Variants in MYT1L observed in about 807,000 individuals in gnomAD.
MYT1L encodes myelin transcription factor 1-like protein.
Under a neutral mutation model 126.7 loss-of-function variants are expected in MYT1L, and 12 were observed. The observed-to-expected ratio is 0.09, with a 90% CI of 0.06 to 0.15. The LOEUF (loss-of-function observed/expected upper bound fraction) is 0.15, where lower values mean the gene tolerates loss of function less well. Ranked by LOEUF, MYT1L falls within the 10% of genes least tolerant of loss-of-function variation. The probability of loss-of-function intolerance (pLI) is 1.00; values close to 1 mark genes in which losing one functional copy is unlikely to be tolerated. For missense variants in MYT1L, 979 were observed against 1,585.2 expected (o/e 0.62, Z 6.49); for synonymous variants, 541 against 604.2 (o/e 0.90, Z 1.53).
intron 1 of MYT1L, among the ~76,000 whole-genome samples, chr2:2,298,722 G>A (rs900573652): frequency 1.3e-5 from 2 of 152,192 alleles, no homozygotes; most frequent in African/African-American, 4.8e-5. Context: ...ATGTCAAGAA[G>A]CACAAGACAC....
chr2:2,191,168 C>T (rs2092570455), intron 2 of MYT1L, among the ~76,000 whole-genome samples: 2 of 152,258 alleles, frequency 1.3e-5, no homozygotes, highest in South Asian at 4.1e-4. Flanking sequence ...TTCCAGAAGC[C>T]ACCCCTAGGC....
At chr2:2,310,917 A>G (rs1226750500) in intron 1 of MYT1L, among the ~76,000 whole-genome samples, 1 of 152,256 alleles carries the variant, frequency 6.6e-6, no homozygotes, top group Non-Finnish European at 1.5e-5. Context: ...AGGGCTCACA[A>G]CAACATTCCT....
chr2:2,040,590 C>T (rs2150009715), intron 4 of MYT1L, among the ~76,000 whole-genome samples: 1 of 152,284 alleles, frequency 6.6e-6, no homozygotes, highest in East Asian at 1.9e-4. Context: ...TTGTTATCCA[C>T]ATTTTTAAGT....
At chr2:1,997,456 T>C (rs1386831898) in intron 4 of MYT1L, 109 bp from the exon 5 acceptor site, 1 of 152,512 alleles carries the variant, frequency 6.6e-6, no homozygotes, top group South Asian at 2.1e-4. Context: ...ACACAGCAGC[T>C]TCCTCCAGGA....
Position 1,917,057 on chromosome 2 carries a change from G to A in MYT1L, c.1618+148C>T, listed in dbSNP as rs1285979798. On this transcript the variant is annotated intron_variant, in intron 11 of 24. Transcript: ENST00000647738. The surrounding 1 kb of genome is among the most constrained non-coding windows in gnomAD (Gnocchi z 5.9). ...GCCATTGGCATGCCCACGAATCCTG[G>A]ATCAGTTGCCCATCAAGTTAAGTAG... The A allele has an allele frequency of 2.9e-6, 3 of 1,052,444 alleles. No homozygotes were observed. Among genetic ancestry groups the A allele is most frequent in the Non-Finnish European group, 4.1e-6 (3 of 733,212 alleles). 65.2% of individuals were successfully genotyped at this position (1,052,444 alleles called of 1,614,324 possible). A position where few individuals can be genotyped will look rare whatever the true frequency, so the allele number is the denominator to read the frequency against.
chr2:2,153,625 A>G (rs1455529802), intron 3 of MYT1L, among the ~76,000 whole-genome samples: 1 of 152,180 alleles, frequency 6.6e-6, no homozygotes, highest in African/African-American at 2.4e-5. Context: ...TTGGAAGACC[A>G]TCAAAAGTAA....
intron 14 of MYT1L, among the ~76,000 whole-genome samples, chr2:1,899,483 C>G (rs1429284936): frequency 6.6e-6 from 1 of 152,178 alleles, no homozygotes; most frequent in Non-Finnish European, 1.5e-5. Context: ...GCCCAGACAC[C>G]CAAGTGGATG....
intron 18 of MYT1L, among the ~76,000 whole-genome samples, chr2:1,859,110 G>A (rs1336454464): frequency 2.0e-5 from 3 of 152,100 alleles, no homozygotes; most frequent in African/African-American, 7.2e-5. Context: ...ATTCTTAGAG[G>A]GTCTCCCATT....
At chr2:1,956,512 TCTA>T (rs2058446464) in intron 8 of MYT1L, among the ~76,000 whole-genome samples, 1 of 89,328 alleles carries the variant, frequency 1.1e-5, no homozygotes, top group African/African-American at 4.4e-5. Flanking sequence ...TCCTATTCTA[TCTA>T]TCTATCTATC....
intron 10 of MYT1L, among the ~76,000 whole-genome samples, chr2:1,918,286 A>C (rs937047469): frequency 2.0e-5 from 3 of 152,252 alleles, no homozygotes; most frequent in African/African-American, 7.2e-5. Flanking sequence ...TAATATTTCT[A>C]AAGTAAAGCT....
chr2:2,131,066 A>G (rs2082299217), intron 3 of MYT1L, among the ~76,000 whole-genome samples: 1 of 152,162 alleles, frequency 6.6e-6, no homozygotes, highest in South Asian at 2.1e-4. Context: ...GCGATACCTT[A>G]TGGAAGTAGA....
rs372690600 is a variant in MYT1L at position 1,899,198 on chromosome 2, T to C, written c.2032+3882A>G. Among the ~76,000 whole-genome samples, 21 of 152,326 alleles carry C rather than the reference T, an allele frequency of 1.4e-4. No individual in the cohort carries two copies. In the East Asian group the frequency reaches 2.3e-3, roughly 17 times the overall value. ...GGATTTTGTAGCAAATGTTTCGGCT[T>C]TGGGAACTGCGCGATTGTTTTTGTG... On this transcript the variant is annotated intron_variant, in intron 14 of 24. Transcript: ENST00000647738.
chr2:1,813,936 A>G (rs2037172086), intron 21 of MYT1L, among the ~76,000 whole-genome samples: 1 of 128,314 alleles, frequency 7.8e-6, no homozygotes, highest in Non-Finnish European at 1.6e-5. Flanking sequence ...CTGAGGCAGG[A>G]GAATGGCGCG....
chr2:1,983,452 A>G (rs2060760744), intron 5 of MYT1L, among the ~76,000 whole-genome samples: 1 of 152,360 alleles, frequency 6.6e-6, no homozygotes, highest in East Asian at 1.9e-4. Context: ...GAAAGATTCA[A>G]ATTAAGCAGA....
At chr2:2,293,525 G>A (rs1573257026) in intron 1 of MYT1L, among the ~76,000 whole-genome samples, 1 of 152,198 alleles carries the variant, frequency 6.6e-6, no homozygotes, top group East Asian at 2.0e-4. Flanking sequence ...GCTTCCCTCG[G>A]AGCTAAGGAG....
At chr2:2,302,941 T>C (rs957696306) in intron 1 of MYT1L, among the ~76,000 whole-genome samples, 2 of 152,162 alleles carry the variant, frequency 1.3e-5, no homozygotes, top group African/African-American at 4.8e-5. Flanking sequence ...ATTGAGTCCC[T>C]TTTGCATAAA....
intron 8 of MYT1L, among the ~76,000 whole-genome samples, chr2:1,952,049 A>G (rs1474935304): frequency 6.6e-6 from 1 of 152,192 alleles, no homozygotes; most frequent in African/African-American, 2.4e-5. Flanking sequence ...AACATTTTTT[A>G]AAGTTATTTT....
At position 1,851,434 on chromosome 2, in the gene MYT1L, G is replaced by C. The variant is rs2043251301; in HGVS notation, c.2774+207C>G. Among the ~76,000 whole-genome samples, 3 of 152,176 alleles carry C rather than the reference G, an allele frequency of 2.0e-5. No individual in the cohort carries two copies. The South Asian group carries it at 6.2e-4, about 32-fold the overall frequency. Reference sequence around the variant, plus strand: ...GCACTGCATGTGAGATGTCCTGAGAGGAGCCAGTGGCCCTGGAAAAGGAAG... The same window carrying C: ...GCACTGCATGTGAGATGTCCTGAGACGAGCCAGTGGCCCTGGAAAAGGAAG... On this transcript the variant is annotated intron_variant, in intron 19 of 24. Transcript: ENST00000647738.
chr2:1,791,930 C>G lies in MYT1L; in HGVS notation c.3498G>C (p.Gln1166His), dbSNP rs913314468. ...TEMYTNQDRY[Q>H]SPENKALLEN... ...CCAGTAGGGCTTTATTTTCTGGACT[C>G]TGATAACGATCTTGATTTGTATACA... The change falls in exon 25 of 25, where the codon CAG becomes CAC. Residue 1166 changes from glutamine to histidine, a missense_variant. Around this residue, in one of 12 missense-constraint regions of MYT1L, gnomAD observed 179 missense variants for 398.6 expected, o/e 0.45. Coordinates refer to ENST00000647738, the MANE Select transcript of MYT1L (RefSeq NM_001303052.2). The surrounding 1 kb of genome is among the most constrained non-coding windows in gnomAD (Gnocchi z 6.0). 4 of 1,611,670 alleles carry G rather than the reference C, an allele frequency of 2.5e-6. 1 individual carries two copies. Among genetic ancestry groups the G allele is most frequent in the Non-Finnish European group, 3.4e-6 (4 of 1,179,350 alleles).
Sources: gnomAD v4.1 joint callset for allele counts (sites outside exome capture counted in the v4.1 genomes callset) on GRCh38, gnomAD v4.1.1 for gene constraint, gnomAD v4.1.1 regional missense constraint, Gnocchi (gnomAD v3.1) non-coding constraint, MANE v1.5 for transcripts, NCBI Gene and HGNC (gene_info 2026-07-23, HGNC 2026-07-21) for gene names.